The following GPR161 variants were observed in gnomAD, a reference collection of about 807,000 sequenced individuals.
GPR161 encodes G-protein coupled receptor RE2.
Under a neutral mutation model 39.2 loss-of-function variants are expected in GPR161, and 25 were observed. That is an observed-to-expected ratio of 0.64 (90% confidence interval 0.47 to 0.89). The LOEUF (loss-of-function observed/expected upper bound fraction) is 0.89, where lower values mean the gene tolerates loss of function less well. Among genes scored for constraint, GPR161 ranks in the 40% least tolerant of loss-of-function variants. GPR161 has a pLI of 0.00. For missense variants in GPR161, 547 were observed against 677.8 expected (o/e 0.81, Z 2.14); for synonymous variants, 286 against 276.6 (o/e 1.03, Z -0.34).
At chr1:168,086,347 G>T (rs1421475921) in intron 5 of GPR161, among the ~76,000 whole-genome samples, 1 of 152,200 alleles carries the variant, frequency 6.6e-6, no homozygotes, top group Non-Finnish European at 1.5e-5. Context: ...AAACTAAAAC[G>T]AACAGAAGTG....
chr1:168,088,913 A>G (rs965920351), intron 4 of GPR161: 6 of 152,170 alleles, frequency 3.9e-5, no homozygotes, highest in African/African-American at 1.4e-4. Context: ...CCCTACCTAT[A>G]GCAGCCCACG....
At position 168,120,428 on chromosome 1, in the gene GPR161, A is replaced by G. The variant is rs575935493; in HGVS notation, c.-44-15534T>C. Among the ~76,000 whole-genome samples, 23 of 152,322 alleles carry G rather than the reference A, an allele frequency of 1.5e-4. No homozygotes were observed. The South Asian group carries it at 4.1e-3, about 27-fold the overall frequency. The stretch of plus-strand genomic sequence containing the variant: ...GTAACTAACTTGCTTTTGATTTTAC[A>G]GGCTCATAGGCAGAAGGGACTTGCC... On this transcript the variant is annotated intron_variant, in intron 1 of 5. Coordinates refer to ENST00000682931, the MANE Select transcript of GPR161 (RefSeq NM_001375883.1).
At position 168,111,566 on chromosome 1, in the gene GPR161, C is replaced by T. The variant is rs1015614752; in HGVS notation, c.-44-6672G>A. Among the ~76,000 whole-genome samples the T allele has an allele frequency of 2.6e-5, 4 of 152,304 alleles. 1 individual carries two copies. The highest frequency in any genetic ancestry group is 6.8e-3 in the Middle Eastern group (2 of 294). On this transcript the variant is annotated intron_variant, in intron 1 of 5. Transcript: ENST00000682931. ...AGTCGTCTTGAGACCATTAGGGATG[C>T]GAAGCCAACATGCTGAGCATGGCTG... is the stretch of plus-strand genomic sequence containing the variant.
intron 3 of GPR161, among the ~76,000 whole-genome samples, chr1:168,091,224 G>C (rs989351013): frequency 1.3e-5 from 2 of 152,144 alleles, no homozygotes; most frequent in Non-Finnish European, 2.9e-5. Context: ...ACGGGGTTGG[G>C]GGGTAGGGGG....
At chr1:168,137,495 G>C, upstream of GPR161, 2 of 1,038,232 alleles carry the variant, frequency 1.9e-6, no homozygotes, top group Non-Finnish European at 1.4e-6. Flanking sequence ...GCCAGCCCCG[G>C]GGAGTGGGGA....
chr1:168,103,961 C>T (rs760000366), intron 2 of GPR161, among the ~76,000 whole-genome samples: 4 of 152,312 alleles, frequency 2.6e-5, no homozygotes, highest in East Asian at 1.9e-4. Context: ...CGGGAGCAGC[C>T]GAGTTTCCAA....
At chr1:168,126,268 C>A (rs1335887403) in intron 1 of GPR161, among the ~76,000 whole-genome samples, 1 of 152,110 alleles carries the variant, frequency 6.6e-6, no homozygotes, top group Non-Finnish European at 1.5e-5. Context: ...ACGCTGGCCA[C>A]TCACCTCCTT....
chr1:168,112,972 C>T (rs969117600), intron 1 of GPR161, among the ~76,000 whole-genome samples: 6 of 152,168 alleles, frequency 3.9e-5, no homozygotes, highest in Non-Finnish European at 8.8e-5. Flanking sequence ...CTAAGAGCTG[C>T]CCACCCAGTG....
rs1268086935 is a variant in GPR161, at chr1:168,104,738, G to A, written c.113C>T (p.Thr38Ile). Reference protein sequence around the residue: ...ITQFIAIIVITIFVCLGNLVI... With the variant: ...ITQFIAIIVIIIFVCLGNLVI... The stretch of plus-strand genomic sequence containing the variant: ...CAGGTTTCCCAGGCAGACAAAAATG[G>A]TGATGACAATGATGGCGATGAACTG... The change falls in exon 2 of 6, where the codon ACC becomes ATC. Residue 38 changes from threonine to isoleucine, a missense_variant. Physicochemically the swap from Thr to Ile is moderately conservative, Grantham distance 89. Transcript: ENST00000682931. 1 of 1,614,022 alleles carries A rather than the reference G, an allele frequency of 6.2e-7. No individual in the cohort carries two copies. Among genetic ancestry groups the A allele is most frequent in the Non-Finnish European group, 8.5e-7 (1 of 1,180,008 alleles).
At chr1:168,088,306 GATGGGACCC>G (rs1469868278) in intron 4 of GPR161, 1 of 152,654 alleles carries the variant, frequency 6.6e-6, no homozygotes, top group Non-Finnish European at 1.5e-5. Context: ...GAAGAGCTGA[GATGGGACCC>G]ATCACTCAAC....
chr1:168,095,212 A>G (rs560192813), intron 3 of GPR161, among the ~76,000 whole-genome samples: 90 of 152,384 alleles, frequency 5.9e-4, no homozygotes, highest in African/African-American at 2.1e-3. Flanking sequence ...CAATGTCATA[A>G]AAGACAAGGG....
intron 1 of GPR161, among the ~76,000 whole-genome samples, chr1:168,114,958 G>A (rs1408558539): frequency 2.0e-5 from 3 of 152,164 alleles, no homozygotes; most frequent in Non-Finnish European, 4.4e-5. Flanking sequence ...GATGGGGCTA[G>A]GGATGCTCAC....
intron 1 of GPR161, among the ~76,000 whole-genome samples, chr1:168,123,395 T>C (rs1272743247): frequency 6.6e-6 from 1 of 152,014 alleles, no homozygotes; most frequent in Middle Eastern, 3.2e-3. Flanking sequence ...AAGGTCAGGG[T>C]TGCAGTGATC....
In GPR161 at chr1:168,079,715, G is replaced by C. The variant is rs1400246321; in HGVS notation, c.*5816C>G. ...TTAGCCAGGGATTTTTGTTTTTCGA[G>C]GGTTGGTTTTTAACCACTTCTTCAT... On this transcript the variant is annotated 3_prime_UTR_variant, in exon 6 of 6. Transcript: ENST00000682931. The C allele has an allele frequency of 6.6e-6, 1 of 151,924 alleles. No homozygotes were observed. Among genetic ancestry groups the C allele is most frequent in the Non-Finnish European group, 1.5e-5 (1 of 67,980 alleles). 9.4% of individuals were successfully genotyped at this position (151,924 alleles called of 1,614,324 possible). A position where few individuals can be genotyped will look rare whatever the true frequency, so the allele number is the denominator to read the frequency against.
intron 3 of GPR161, among the ~76,000 whole-genome samples, chr1:168,092,457 ATGCAGCAT>A (rs1695154987): frequency 6.6e-6 from 1 of 152,180 alleles, no homozygotes; most frequent in African/African-American, 2.4e-5. Context: ...CTCTGTGTTT[ATGCAGCAT>A]TTACCAGCAG....
At chr1:168,088,468 T>G (rs1158874805) in intron 4 of GPR161, 1 of 152,242 alleles carries the variant, frequency 6.6e-6, no homozygotes, top group Admixed American at 6.5e-5. Context: ...TCAGAGCACC[T>G]CGCAGAGGTG....
At position 168,082,671 on chromosome 1, in the gene GPR161, T is replaced by A. The variant is rs1694159270; in HGVS notation, c.*2860A>T. On this transcript the variant is annotated 3_prime_UTR_variant, in exon 6 of 6. Transcript: ENST00000682931. ...TTGTCAAAACCAGAAGACACAGGACTGAGTTGTTTAAGCTAACGAGTAGCC... is the reference window on the plus strand; with the variant it reads ...TTGTCAAAACCAGAAGACACAGGACAGAGTTGTTTAAGCTAACGAGTAGCC... The A allele has an allele frequency of 6.6e-6, 1 of 152,202 alleles. No homozygotes were observed. Among genetic ancestry groups the A allele is most frequent in the Admixed American group, 6.5e-5 (1 of 15,280 alleles). The allele number at this position is 152,202 out of a possible 1,614,324, so 9.4% of individuals were successfully genotyped here.
chr1:168,084,637 T>C lies in GPR161; in HGVS notation c.*894A>G, dbSNP rs1390273905. 2.7e-6 allele frequency: 1 copy of C among 364,160 alleles called. No individual in the cohort carries two copies. Among genetic ancestry groups the C allele is most frequent in the African/African-American group, 2.1e-5 (1 of 46,830 alleles). 22.6% of individuals were successfully genotyped at this position (364,160 alleles called of 1,614,324 possible). On this transcript the variant is annotated 3_prime_UTR_variant, in exon 6 of 6. Coordinates refer to ENST00000682931, the MANE Select transcript of GPR161 (RefSeq NM_001375883.1). Reference sequence around the variant, plus strand: ...TCATTGGTCACTCAAACATCACACATAGAATCTATTTAATGAGGCTTTCCC... The same window carrying C: ...TCATTGGTCACTCAAACATCACACACAGAATCTATTTAATGAGGCTTTCCC...
chr1:168,101,987 G>A (rs1229909605), intron 2 of GPR161, among the ~76,000 whole-genome samples: 4 of 152,036 alleles, frequency 2.6e-5, no homozygotes, highest in Non-Finnish European at 5.9e-5. Flanking sequence ...TATTTTAGTA[G>A]AGATGGGGTT....
Sources: allele counts gnomAD v4.1 joint callset (sites outside exome capture counted in the v4.1 genomes callset), GRCh38; gene constraint gnomAD v4.1.1; transcripts MANE v1.5; gene names NCBI Gene and HGNC (gene_info 2026-07-23, HGNC 2026-07-21).